FUBP3: variants seen among roughly 807,000 people sequenced by gnomAD.
FUBP3 encodes far upstream element binding protein 3.
FUBP3 carries 28 observed loss-of-function variants against 85.6 expected under a neutral mutation model. That is an observed-to-expected ratio of 0.33 (90% CI 0.24 to 0.45). The LOEUF (loss-of-function observed/expected upper bound fraction) is 0.45. FUBP3 is among the 20% of genes least tolerant of loss of function. The pLI, the probability that FUBP3 is intolerant of heterozygous loss-of-function variation, is 1.00. For missense variants in FUBP3, 583 were observed against 755.1 expected, an observed-to-expected ratio of 0.77 and a Z score of 2.67; for synonymous variants, 271 against 271.4, an observed-to-expected ratio of 1.00 and a Z score of 0.01.
At chr9:130,585,510 C>CTA (rs1564187974) in intron 1 of FUBP3, among the ~76,000 whole-genome samples, 1 of 152,176 alleles carries the variant, frequency 6.6e-6, no homozygotes, top group African/African-American at 2.4e-5. Context: ...AGCATTTGAT[C>CTA]TATAGGCTGT....
At chr9:130,598,956 C>T (rs980421329) in intron 2 of FUBP3, among the ~76,000 whole-genome samples, 29 of 152,182 alleles carry the variant, frequency 1.9e-4, no homozygotes, top group African/African-American at 6.8e-4. Context: ...TGAGCCCAGA[C>T]ATTCGAGGCC....
chr9:130,588,692 A>C (rs183699655), intron 1 of FUBP3, among the ~76,000 whole-genome samples: 1 of 152,182 alleles, frequency 6.6e-6, no homozygotes, highest in Non-Finnish European at 1.5e-5. Flanking sequence ...CACTGTGACA[A>C]TTAAATGAGG....
chr9:130,579,893 G>A (rs892096628), intron 1 of FUBP3, 129 bp downstream of exon 1: 22 of 527,954 alleles, frequency 4.2e-5, no homozygotes, highest in African/African-American at 3.9e-4. Flanking sequence ...GGGCCGTTCC[G>A]TGGAGTTCCT....
At chr9:130,622,320 C>CAA (rs917479721) in intron 9 of FUBP3, among the ~76,000 whole-genome samples, 774 of 44,246 alleles carry the variant, frequency 0.017, 11 homozygotes, top group African/African-American at 0.059. Context: ...ACTCCATCTC[C>CAA]AAAAAAAAAA....
chr9:130,591,460 A>G (rs1451134408), intron 1 of FUBP3, among the ~76,000 whole-genome samples: 1 of 151,728 alleles, frequency 6.6e-6, no homozygotes, highest in Non-Finnish European at 1.5e-5. Context: ...TTAGCAGAGT[A>G]GCACGCATTA....
chr9:130,605,963 G>A (rs1023568738), intron 2 of FUBP3, among the ~76,000 whole-genome samples: 1 of 152,166 alleles, frequency 6.6e-6, no homozygotes, highest in African/African-American at 2.4e-5. Flanking sequence ...CAGCCTGGGA[G>A]ACAGAGCGAG....
intron 2 of FUBP3, among the ~76,000 whole-genome samples, chr9:130,604,096 A>G (rs1169438616): frequency 6.6e-6 from 1 of 152,214 alleles, no homozygotes; most frequent in Admixed American, 6.5e-5. Context: ...ACTTGGATCA[A>G]TCTCCAGGGA....
At chr9:130,636,249 G>A in intron 18 of FUBP3, 123 bp downstream of exon 18, 1 of 980,026 alleles carries the variant, frequency 1.0e-6, no homozygotes, top group Non-Finnish European at 1.6e-6. Context: ...GGGCGCCATA[G>A]CTCCTCAGCG....
intron 12 of FUBP3, among the ~76,000 whole-genome samples, chr9:130,628,262 G>T (rs572127533): frequency 6.6e-6 from 1 of 152,188 alleles, no homozygotes; most frequent in Non-Finnish European, 1.5e-5. Flanking sequence ...AGCCTCCCTG[G>T]CCCCTGCTGG....
At chr9:130,632,702 C>T (rs1830264255) in intron 16 of FUBP3, among the ~76,000 whole-genome samples, 1 of 152,242 alleles carries the variant, frequency 6.6e-6, no homozygotes. Context: ...TCTCCCCTCT[C>T]AGGCTTCCAT....
rs1463980985 is a variant in FUBP3, at chr9:130,637,001, C to T, written c.1711-13C>T. 6.2e-7 allele frequency: 1 copy of T among 1,612,364 alleles called. No individual in the cohort carries two copies. Among genetic ancestry groups the T allele is most frequent in the South Asian group, 1.1e-5 (1 of 91,070 alleles). ...GCCATCACAGACTAATTCCTCTTCCCTTCCGCCCACAGGAGCAGTAGGACA... is the reference window on the plus strand; with the variant it reads ...GCCATCACAGACTAATTCCTCTTCCTTTCCGCCCACAGGAGCAGTAGGACA... On this transcript the variant is annotated splice_polypyrimidine_tract_variant and intron_variant, in intron 18 of 18. Transcript: ENST00000319725.
chr9:130,636,993 C>A (rs776133921), intron 18 of FUBP3, 21 bp from the exon 19 acceptor site: 2 of 1,610,896 alleles, frequency 1.2e-6, no homozygotes, highest in Admixed American at 3.3e-5. Context: ...CAGACTAATT[C>A]CTCTTCCCTT....
In FUBP3 at chr9:130,616,585, G is replaced by T; in HGVS notation, c.567+68G>T. The T allele has an allele frequency of 6.8e-7, 1 of 1,470,200 alleles. No individual in the cohort carries two copies. 91.1% of individuals were successfully genotyped at this position (1,470,200 alleles called of 1,614,324 possible). On this transcript the variant is annotated intron_variant, in intron 7 of 18. Transcript: ENST00000319725. The surrounding 1 kb of genome is among the most constrained non-coding windows in gnomAD (Gnocchi z 4.7). ...AGGTCTTCAGCTTCCTGGCCCAGGAGATCTGCTTACGGCTGGCATTCCCTG... is the reference window on the plus strand; with the variant it reads ...AGGTCTTCAGCTTCCTGGCCCAGGATATCTGCTTACGGCTGGCATTCCCTG...
intron 1 of FUBP3, among the ~76,000 whole-genome samples, chr9:130,586,619 C>T (rs1830347600): frequency 6.6e-6 from 1 of 152,092 alleles, no homozygotes. Context: ...GCAGTTTTCT[C>T]AGAGGTGCAC....
Position 130,626,439 on chromosome 9 carries a change from C to T in FUBP3, c.1051C>T (p.Pro351Ser), listed in dbSNP as rs745778981. ...CCGTGGCGACTGGAGCGTGGGAGCC[C>T]CTGGTGGCGTCCAGGAGATAACATA... Reference protein sequence around the residue: ...RGRGDWSVGAPGGVQEITYTV... With the variant: ...RGRGDWSVGASGGVQEITYTV... Residue 351 changes from proline to serine, a missense_variant, in exon 12 of 19, where the codon CCT (proline) becomes TCT (serine). Pro to Ser is a moderately conservative substitution (Grantham distance 74). Around this residue, in one of 3 missense-constraint regions of FUBP3, gnomAD observed 404 missense variants for 516.8 expected, o/e 0.78. Transcript: ENST00000319725. 13 of 1,613,968 alleles carry T rather than the reference C, an allele frequency of 8.1e-6. No individual in the cohort carries two copies. The highest frequency in any genetic ancestry group is 2.2e-5 in the South Asian group (2 of 91,082).
At chr9:130,625,614 G>A (rs1294394115) in intron 11 of FUBP3, among the ~76,000 whole-genome samples, 1 of 152,188 alleles carries the variant, frequency 6.6e-6, no homozygotes, top group African/African-American at 2.4e-5. Context: ...GACAGCGGCT[G>A]GAATGAGACT....
intron 1 of FUBP3, chr9:130,580,896 C>T (rs1165475980): frequency 6.6e-6 from 1 of 152,208 alleles, no homozygotes; most frequent in African/African-American, 2.4e-5. Flanking sequence ...GCCTAGCTGC[C>T]AACCAGTACA....
At chr9:130,608,889 A>G (rs1184580516) in intron 2 of FUBP3, among the ~76,000 whole-genome samples, 2 of 152,176 alleles carry the variant, frequency 1.3e-5, no homozygotes, top group African/African-American at 4.8e-5. Flanking sequence ...GTTTGAGCAC[A>G]AGCAGAGCAG....
chr9:130,594,564 C>G (rs1830770770), intron 1 of FUBP3, among the ~76,000 whole-genome samples: 1 of 152,082 alleles, frequency 6.6e-6, no homozygotes, highest in Non-Finnish European at 1.5e-5. Flanking sequence ...GCCTGGGCAA[C>G]AAGAGCAAAA....
Sources: allele counts gnomAD v4.1 joint callset (sites outside exome capture counted in the v4.1 genomes callset), GRCh38; gene constraint gnomAD v4.1.1; regional missense constraint gnomAD v4.1.1; non-coding constraint Gnocchi (gnomAD v3.1); transcripts MANE v1.5; gene names NCBI Gene and HGNC (gene_info 2026-07-23, HGNC 2026-07-21).